MARCHF4: variants seen among roughly 807,000 people sequenced by gnomAD.
The protein encoded by MARCHF4 is membrane associated ring-CH-type finger 4, also known as E3 ubiquitin-protein ligase MARCHF4.
A neutral mutation model predicts 43.9 loss-of-function variants in MARCHF4; 14 were observed. That is an observed-to-expected ratio of 0.32 (90% CI 0.21 to 0.50). The LOEUF (loss-of-function observed/expected upper bound fraction) is 0.50, where lower values mean the gene tolerates loss of function less well. MARCHF4 is among the 20% of genes least tolerant of loss of function. The pLI is 0.98. For missense variants in MARCHF4, 468 were observed against 536.7 expected, an observed-to-expected ratio of 0.87 and a Z score of 1.27; for synonymous variants, 226 against 213.3, an observed-to-expected ratio of 1.06 and a Z score of -0.52.
intron 1 of MARCHF4, among the ~76,000 whole-genome samples, chr2:216,344,810 G>T (rs566534346): frequency 6.6e-6 from 1 of 152,036 alleles, no homozygotes; most frequent in Non-Finnish European, 1.5e-5. Flanking sequence ...GGGTGCGAGC[G>T]GAGGTGGTAA....
intron 1 of MARCHF4, among the ~76,000 whole-genome samples, chr2:216,343,533 G>C (rs1056689800): frequency 6.6e-6 from 1 of 152,090 alleles, no homozygotes; most frequent in African/African-American, 2.4e-5. Context: ...CCGGGTGCTG[G>C]GGGCGGTGCA....
chr2:216,298,222 C>CT (rs1212307316), intron 1 of MARCHF4, among the ~76,000 whole-genome samples: 1 of 145,052 alleles, frequency 6.9e-6, no homozygotes, highest in Admixed American at 6.9e-5. Flanking sequence ...TCAACAACCA[C>CT]TTTTTTTCCA....
At chr2:216,259,940 G>C (rs1690714601) in intron 3 of MARCHF4, among the ~76,000 whole-genome samples, 1 of 152,116 alleles carries the variant, frequency 6.6e-6, no homozygotes, top group Non-Finnish European at 1.5e-5. Flanking sequence ...CCCCCTTCCT[G>C]CCTCGACAAA....
At chr2:216,278,302 C>T (rs1417621361) in intron 2 of MARCHF4, among the ~76,000 whole-genome samples, 2 of 152,188 alleles carry the variant, frequency 1.3e-5, no homozygotes, top group Non-Finnish European at 2.9e-5. Context: ...CGGCTCATTG[C>T]AAGCTCCACC....
chr2:216,351,928 G>A (rs7561922), intron 1 of MARCHF4, among the ~76,000 whole-genome samples: 42,629 of 152,110 alleles, frequency 0.28, 7,067 homozygotes, highest in East Asian at 0.53. Flanking sequence ...TTGGTTGTGC[G>A]TCTACCAGAT....
In MARCHF4 at chr2:216,263,539, A is replaced by AAGAGAGAG. The variant is rs1342980579; in HGVS notation, c.866-3868_866-3861dup. Among the ~76,000 whole-genome samples, 128 of 122,858 alleles carry AAGAGAGAG rather than the reference A, an allele frequency of 1.0e-3. 1 individual carries two copies. Among genetic ancestry groups the AAGAGAGAG allele is most frequent in the African/African-American group, 3.6e-3 (122 of 33,830 alleles). 80.6% of individuals were successfully genotyped at this position (122,858 alleles called of 152,430 possible). A position where few individuals can be genotyped will look rare whatever the true frequency, so the allele number is the denominator to read the frequency against. On this transcript the variant is annotated intron_variant, in intron 3 of 3. Transcript: ENST00000273067. ...AGAGAGAGAGAGAGAGAGAGAGAGA[A>AAGAGAGAG]AGAGAGAGAGAGAAAGAAGAAAAAG...
At chr2:216,322,637 C>A (rs1691918111) in intron 1 of MARCHF4, among the ~76,000 whole-genome samples, 1 of 152,230 alleles carries the variant, frequency 6.6e-6, no homozygotes, top group South Asian at 2.1e-4. Context: ...GCCTGGCCAA[C>A]ATGGCGAAAC....
intron 3 of MARCHF4, among the ~76,000 whole-genome samples, chr2:216,274,745 A>G (rs1042098364): frequency 6.6e-6 from 1 of 152,160 alleles, no homozygotes; most frequent in African/African-American, 2.4e-5. Context: ...AAAACCCTGA[A>G]CTGAGACTTC....
intron 3 of MARCHF4, among the ~76,000 whole-genome samples, chr2:216,263,315 T>C (rs1477710514): frequency 6.6e-6 from 1 of 151,940 alleles, no homozygotes; most frequent in Admixed American, 6.6e-5. Flanking sequence ...TAATCCCAAC[T>C]ATTCAGGAGG....
rs1017074706 is a variant in MARCHF4 at position 216,372,348 on chromosome 2, T to G, written c.-2088A>C. 1.3e-5 allele frequency among the ~76,000 whole-genome samples: 2 copies of G among 148,572 alleles called. No individual in the cohort carries two copies. Among genetic ancestry groups the G allele is most frequent in the South Asian group, 2.2e-4 (1 of 4,492 alleles). ...TGCTGCATTCAGCACCCCGGGCGAGTGGACAGCTCCCACCCAGACCCCGCG... is the reference window on the plus strand; with the variant it reads ...TGCTGCATTCAGCACCCCGGGCGAGGGGACAGCTCCCACCCAGACCCCGCG... On this transcript the variant is annotated 5_prime_UTR_variant, in exon 1 of 4. Coordinates refer to ENST00000273067, the MANE Select transcript of MARCHF4 (RefSeq NM_020814.3).
At chr2:216,329,297 C>T (rs1037309565) in intron 1 of MARCHF4, among the ~76,000 whole-genome samples, 16 of 152,066 alleles carry the variant, frequency 1.1e-4, no homozygotes, top group Admixed American at 6.5e-4. Context: ...AGGAGAATGG[C>T]GTGAACCTGG....
intron 1 of MARCHF4, among the ~76,000 whole-genome samples, chr2:216,352,932 C>T (rs894675594): frequency 9.9e-5 from 15 of 152,200 alleles, no homozygotes; most frequent in African/African-American, 3.4e-4. Flanking sequence ...GCGGTTCTGG[C>T]ACAAAGCAGC....
At chr2:216,355,132 T>C (rs1692481108) in intron 1 of MARCHF4, among the ~76,000 whole-genome samples, 1 of 151,902 alleles carries the variant, frequency 6.6e-6, no homozygotes, top group African/African-American at 2.4e-5. Flanking sequence ...CCACCACACC[T>C]GGCTCATTTT....
chr2:216,354,892 T>TTTCTTTCC (rs1432671351), intron 1 of MARCHF4, among the ~76,000 whole-genome samples: 3 of 30,612 alleles, frequency 9.8e-5, no homozygotes, highest in South Asian at 1.5e-3. Context: ...TAATAATTGT[T>TTTCTTTCC]TTCTTTCTTT....
At chr2:216,321,296 C>T (rs1691891962) in intron 1 of MARCHF4, among the ~76,000 whole-genome samples, 1 of 152,054 alleles carries the variant, frequency 6.6e-6, no homozygotes, top group Non-Finnish European at 1.5e-5. Context: ...AATAGAATGG[C>T]CCCCACTCTC....
intron 1 of MARCHF4, among the ~76,000 whole-genome samples, chr2:216,342,353 A>T (rs150973772): frequency 6.6e-6 from 1 of 152,290 alleles, no homozygotes; most frequent in African/African-American, 2.4e-5. Flanking sequence ...CAACAGGAGA[A>T]CTCATCTGGA....
intron 1 of MARCHF4, among the ~76,000 whole-genome samples, chr2:216,361,873 G>C (rs914319395): frequency 1.3e-5 from 2 of 152,200 alleles, no homozygotes; most frequent in Non-Finnish European, 2.9e-5. Flanking sequence ...ACACTGGTGG[G>C]ATGGGGTAAA....
At chr2:216,300,375 A>T (rs571489670) in intron 1 of MARCHF4, among the ~76,000 whole-genome samples, 1 of 132,378 alleles carries the variant, frequency 7.6e-6, no homozygotes, top group African/African-American at 3.8e-5. Context: ...TATATGACTT[A>T]CTCTGTCATC....
intron 1 of MARCHF4, among the ~76,000 whole-genome samples, chr2:216,334,396 A>C (rs1245004441): frequency 1.3e-5 from 2 of 152,120 alleles, no homozygotes; most frequent in Non-Finnish European, 2.9e-5. Flanking sequence ...CCAGAAAGTA[A>C]GGTGATATGC....
Sources: allele counts gnomAD v4.1 joint callset (sites outside exome capture counted in the v4.1 genomes callset), GRCh38; gene constraint gnomAD v4.1.1; transcripts MANE v1.5; gene names NCBI Gene and HGNC (gene_info 2026-07-23, HGNC 2026-07-21).